RIMS2: variants seen among roughly 807,000 people sequenced by gnomAD.
RIMS2 encodes regulating synaptic membrane exocytosis 2.
A neutral mutation model predicts 174.4 loss-of-function variants in RIMS2; 59 were observed. That is an observed-to-expected ratio of 0.34 (90% CI 0.27 to 0.42). The LOEUF (loss-of-function observed/expected upper bound fraction) is 0.42, where lower values mean the gene tolerates loss of function less well. Among genes scored for constraint, RIMS2 ranks in the 10% least tolerant of loss-of-function variants. RIMS2 has a pLI of 1.00. For synonymous variants in RIMS2, 606 were observed against 572.5 expected (o/e 1.06, Z -0.84); for missense variants, 1,620 against 1,666.3 (o/e 0.97, Z 0.48).
At chr8:104,111,410 GCGTT>G in intron 19 of RIMS2, among the ~76,000 whole-genome samples, 1 of 152,118 alleles carries the variant, frequency 6.6e-6, no homozygotes, top group South Asian at 2.1e-4. Flanking sequence ...TTCTTTTTGT[GCGTT>G]TGTTTGTTTT....
chr8:103,600,618 G>C (rs1259681567), intron 1 of RIMS2, among the ~76,000 whole-genome samples: 1 of 152,196 alleles, frequency 6.6e-6, no homozygotes, highest in Non-Finnish European at 1.5e-5. Context: ...TAGGTTGCTT[G>C]TAAATCTTGT....
At chr8:104,120,749 T>C (rs964051169) in intron 19 of RIMS2, among the ~76,000 whole-genome samples, 12 of 151,916 alleles carry the variant, frequency 7.9e-5, no homozygotes, top group African/African-American at 2.7e-4. Context: ...AAGAAGAGGA[T>C]AAAAAAGGAA....
At chr8:104,160,145 A>T (rs2098752176) in intron 19 of RIMS2, among the ~76,000 whole-genome samples, 1 of 152,148 alleles carries the variant, frequency 6.6e-6, no homozygotes, top group Non-Finnish European at 1.5e-5. Context: ...TCTCAAAAAA[A>T]AAAAGAGTCA....
At chr8:103,896,850 G>A (rs1357087540) in intron 4 of RIMS2, among the ~76,000 whole-genome samples, 2 of 151,550 alleles carry the variant, frequency 1.3e-5, no homozygotes, top group African/African-American at 4.9e-5. Context: ...AGGGCTCACA[G>A]AGATATAATT....
Position 103,869,791 on chromosome 8 carries a change from T to C in RIMS2, c.699-15507T>C, listed in dbSNP as rs549328291. Among the ~76,000 whole-genome samples, 9 of 152,304 alleles carry C rather than the reference T, an allele frequency of 5.9e-5. No homozygotes were observed. The South Asian group carries it at 1.0e-3, about 18-fold the overall frequency. On this transcript the variant is annotated intron_variant, in intron 3 of 23. Transcript: ENST00000504942. ...TTAAAAATGGGGTCTTTGTTGAGTT[T>C]GATGCTGTTAGAAAGTGGGGGCAGT...
At chr8:103,827,936 T>G (rs1006911931) in intron 3 of RIMS2, among the ~76,000 whole-genome samples, 1 of 152,210 alleles carries the variant, frequency 6.6e-6, no homozygotes, top group East Asian at 1.9e-4. Context: ...GAAGTGCTTT[T>G]TCTTCAGTAA....
intron 17 of RIMS2, among the ~76,000 whole-genome samples, chr8:104,004,461 A>G (rs72683138): frequency 0.082 from 12,435 of 152,218 alleles, 660 homozygotes; most frequent in Non-Finnish European, 0.12. Context: ...GGATATGTCA[A>G]GTGAGGTGTC....
chr8:103,564,315 G>A (rs2092045281), intron 1 of RIMS2, among the ~76,000 whole-genome samples: 1 of 152,144 alleles, frequency 6.6e-6, no homozygotes, highest in Admixed American at 6.5e-5. Context: ...GGAGACTATG[G>A]TTTTATTCCA....
chr8:103,769,094 C>G, intron 3 of RIMS2: 1 of 199,270 alleles, frequency 5.0e-6, no homozygotes, highest in Non-Finnish European at 1.1e-5. Flanking sequence ...AATATAGACT[C>G]CATTTGTTTA....
intron 17 of RIMS2, among the ~76,000 whole-genome samples, chr8:104,011,433 T>A (rs1238467357): frequency 6.6e-6 from 1 of 152,092 alleles, no homozygotes; most frequent in Non-Finnish European, 1.5e-5. Context: ...TTCAAACAAC[T>A]TTTTTATAAC....
chr8:103,968,989 A>T (rs1490400533), intron 15 of RIMS2, among the ~76,000 whole-genome samples: 2 of 151,986 alleles, frequency 1.3e-5, no homozygotes, highest in Non-Finnish European at 1.5e-5. Context: ...CTAGGATTCT[A>T]GGTTGGTGGT....
chr8:103,732,355 C>T (rs2097611273), intron 2 of RIMS2, among the ~76,000 whole-genome samples: 1 of 152,178 alleles, frequency 6.6e-6, no homozygotes, highest in African/African-American at 2.4e-5. Context: ...ACAAGCACTC[C>T]TGTGGTCTAC....
intron 3 of RIMS2, among the ~76,000 whole-genome samples, chr8:103,814,077 C>A (rs934584067): frequency 2.0e-5 from 3 of 152,004 alleles, no homozygotes; most frequent in Non-Finnish European, 2.9e-5. Context: ...TAAAAAAGAA[C>A]AAGATTATGT....
chr8:103,796,506 A>G (rs543985336), intron 3 of RIMS2, among the ~76,000 whole-genome samples: 1 of 152,216 alleles, frequency 6.6e-6, no homozygotes, highest in South Asian at 2.1e-4. Context: ...ACTCACTATT[A>G]TTTATCTTTT....
chr8:103,840,474 T>G (rs1264938830), intron 3 of RIMS2, among the ~76,000 whole-genome samples: 1 of 150,462 alleles, frequency 6.6e-6, no homozygotes, highest in African/African-American at 2.5e-5. Flanking sequence ...TATTTTAGAG[T>G]TTGATTATAT....
At chr8:103,648,304 C>A (rs1300791461) in intron 1 of RIMS2, among the ~76,000 whole-genome samples, 2 of 151,918 alleles carry the variant, frequency 1.3e-5, no homozygotes, top group East Asian at 3.8e-4. Context: ...TATTTCAGTT[C>A]TTTTATATTT....
At chr8:103,952,181 A>C (rs2085597594) in intron 14 of RIMS2, among the ~76,000 whole-genome samples, 1 of 152,220 alleles carries the variant, frequency 6.6e-6, no homozygotes, top group Non-Finnish European at 1.5e-5. Flanking sequence ...GCGCAGCTTC[A>C]GCAGACTTAA....
At chr8:104,223,457 A>G in intron 19 of RIMS2, 1 of 1,375,904 alleles carries the variant, frequency 7.3e-7, no homozygotes, top group Non-Finnish European at 9.3e-7. Flanking sequence ...CTCTCCAATA[A>G]ATTGGAGGTC....
At chr8:104,160,640 G>T (rs916463518) in intron 19 of RIMS2, among the ~76,000 whole-genome samples, 3 of 152,108 alleles carry the variant, frequency 2.0e-5, no homozygotes, top group African/African-American at 7.2e-5. Context: ...TTAATAATTT[G>T]CTAATGTATT....
Sources: allele counts gnomAD v4.1 joint callset (sites outside exome capture counted in the v4.1 genomes callset), GRCh38; gene constraint gnomAD v4.1.1; transcripts MANE v1.5; gene names NCBI Gene and HGNC (gene_info 2026-07-23, HGNC 2026-07-21).